TRIM14: variants seen among roughly 807,000 people sequenced by gnomAD.
TRIM14 encodes the protein tripartite motif-containing protein 14.
TRIM14 carries 28 observed loss-of-function variants against 44.5 expected under a neutral mutation model. That is an observed-to-expected ratio of 0.63 (90% CI 0.47 to 0.86). The LOEUF (loss-of-function observed/expected upper bound fraction) is 0.86, where lower values mean the gene tolerates loss of function less well. Among genes scored for constraint, TRIM14 ranks in the 40% least tolerant of loss-of-function variants. The pLI, the probability that TRIM14 is intolerant of heterozygous loss-of-function variation, is 0.00. For missense variants in TRIM14, 607 were observed against 611.1 expected, an observed-to-expected ratio of 0.99 and a Z score of 0.07; for synonymous variants, 299 against 269.2, an observed-to-expected ratio of 1.11 and a Z score of -1.08.
chr9:98,111,649 T>C (rs12344833), intron 1 of TRIM14, among the ~76,000 whole-genome samples: 16,869 of 152,158 alleles, frequency 0.11, 2,802 homozygotes, highest in African/African-American at 0.37. Context: ...GTTTTAAAAG[T>C]TGTTTTCAGG....
chr9:98,072,506 G>T (rs1178559645), intron 6 of TRIM14, among the ~76,000 whole-genome samples: 1 of 151,972 alleles, frequency 6.6e-6, no homozygotes, highest in Non-Finnish European at 1.5e-5. Context: ...CCACCTCACG[G>T]GTTCAAGCAG....
chr9:98,056,627 C>A, the TRIM14 span: 3 of 935,936 alleles, frequency 3.2e-6, no homozygotes, highest in South Asian at 1.9e-5. Flanking sequence ...CCCCGCCCCC[C>A]GCCCCGATTG....
chr9:98,087,554 A>T lies in TRIM14; in HGVS notation c.1245T>A (p.His415Gln). Residue 415 changes from histidine (H) to glutamine (Q), a missense_variant, in exon 6 of 6, where the codon CAT (histidine) becomes CAA (glutamine). Transcript: ENST00000341469. ...YDVTGGMSHL[H>Q]TFRATFQEPL... ...GCTCCTGGAACGTGGCGCGGAAGGTATGCAGGTGGCTCATGCCGCCCGTCA... is the reference window on the plus strand; with the variant it reads ...GCTCCTGGAACGTGGCGCGGAAGGTTTGCAGGTGGCTCATGCCGCCCGTCA... 3 of 1,596,908 alleles carry T rather than the reference A, an allele frequency of 1.9e-6. No individual in the cohort carries two copies. The highest frequency in any genetic ancestry group is 1.7e-6 in the Non-Finnish European group (2 of 1,173,828).
chr9:98,104,368 G>A (rs960444777), intron 2 of TRIM14, among the ~76,000 whole-genome samples: 2 of 152,122 alleles, frequency 1.3e-5, no homozygotes, highest in African/African-American at 2.4e-5. Flanking sequence ...AGTTTTTATA[G>A]ATCCACTTTG....
At chr9:98,062,079 A>G in the TRIM14 span, among the ~76,000 whole-genome samples, 1 of 150,788 alleles carries the variant, frequency 6.6e-6, no homozygotes, top group African/African-American at 2.4e-5. Context: ...AAAATTAGCC[A>G]GGCGTGGTGG....
chr9:98,086,816 A>AT lies in TRIM14; in HGVS notation c.*653dup, dbSNP rs144118904. 5,138 of 153,068 alleles carry AT rather than the reference A, an allele frequency of 0.034. 133 individuals carry two copies. The highest frequency in any genetic ancestry group is 0.056 in the African/African-American group (2,304 of 41,268). 9.5% of individuals were successfully genotyped at this position (153,068 alleles called of 1,614,324 possible). A position where few individuals can be genotyped will look rare whatever the true frequency, so the allele number is the denominator to read the frequency against. On this transcript the variant is annotated 3_prime_UTR_variant, in exon 6 of 6. Coordinates refer to ENST00000341469, the MANE Select transcript of TRIM14 (RefSeq NM_014788.4). ...TTGAATGCTAAGGTGAGGCGCTTGT[A>AT]TTTTTTTTTGTTATTTCATGGAAAC... is the stretch of plus-strand genomic sequence containing the variant.
chr9:98,051,600 T>C, the TRIM14 span, among the ~76,000 whole-genome samples: 1 of 152,244 alleles, frequency 6.6e-6, no homozygotes, highest in African/African-American at 2.4e-5. Flanking sequence ...ACTTAACAAA[T>C]GATGCCCTTC....
the TRIM14 span, among the ~76,000 whole-genome samples, chr9:98,039,050 A>C: frequency 6.6e-6 from 1 of 152,044 alleles, no homozygotes; most frequent in East Asian, 1.9e-4. Context: ...CTACGTCTAA[A>C]AAAAAAAACC....
rs747619707 is a variant in TRIM14, at chr9:98,087,485, G to C, written c.1314C>G (p.Ile438Met). ...ALRLWEGAISIPRLP is the reference protein window; with the variant it reads ...ALRLWEGAISMPRLP ...GTCCTGGCCCCTAGGGCAGCCGGGG[G>C]ATGCTGATGGCCCCCTCCCAGAGCC... Residue 438 changes from isoleucine to methionine, a missense_variant, in exon 6 of 6, where the codon ATC becomes ATG. Around this residue, in one of 3 missense-constraint regions of TRIM14, gnomAD observed 356 missense variants for 323.0 expected, o/e 1.10. Coordinates refer to ENST00000341469, the MANE Select transcript of TRIM14 (RefSeq NM_014788.4). The C allele has an allele frequency of 2.5e-6, 4 of 1,602,830 alleles. No individual in the cohort carries two copies. In the South Asian group the frequency reaches 3.3e-5, roughly 13 times the overall value.
the TRIM14 span, among the ~76,000 whole-genome samples, chr9:98,043,182 A>AT: frequency 0.38 from 54,173 of 144,240 alleles, 10,929 homozygotes; most frequent in African/African-American, 0.55. Context: ...CTAAATTTGC[A>AT]TTTTTTTTTT....
downstream of TRIM14, among the ~76,000 whole-genome samples, chr9:98,066,626 C>G (rs1829155340): frequency 1.3e-5 from 2 of 151,376 alleles, no homozygotes; most frequent in African/African-American, 4.9e-5. Context: ...TGCCCCAATT[C>G]TCCCAGGCCT....
the TRIM14 span, among the ~76,000 whole-genome samples, chr9:98,049,892 C>G: frequency 6.6e-6 from 1 of 152,214 alleles, no homozygotes; most frequent in Non-Finnish European, 1.5e-5. Flanking sequence ...AGAAAAACTT[C>G]AGCTGAATTA....
intron 6 of TRIM14, among the ~76,000 whole-genome samples, chr9:98,077,683 A>G (rs2117957213): frequency 6.6e-6 from 1 of 152,280 alleles, no homozygotes; most frequent in South Asian, 2.1e-4. Context: ...TGGTTTTACA[A>G]CATGAACAAT....
At chr9:98,106,607 G>C (rs544523469) in intron 2 of TRIM14, among the ~76,000 whole-genome samples, 48 of 152,242 alleles carry the variant, frequency 3.2e-4, no homozygotes, top group African/African-American at 1.2e-3. Flanking sequence ...CCTTATGAAG[G>C]CCACTTAGGT....
At chr9:98,101,697 G>T (rs188129926) in intron 2 of TRIM14, among the ~76,000 whole-genome samples, 2 of 152,258 alleles carry the variant, frequency 1.3e-5, no homozygotes, top group East Asian at 3.9e-4. Flanking sequence ...CTGGATTACA[G>T]GCATGAGCCA....
chr9:98,060,655 AG>A, the TRIM14 span: 1 of 928,664 alleles, frequency 1.1e-6, no homozygotes, highest in Non-Finnish European at 1.7e-6. Context: ...TGGGTGAAAG[AG>A]CGAAACTCTG....
downstream of TRIM14, chr9:98,080,819 T>C (rs745594354): frequency 1.9e-6 from 3 of 1,572,184 alleles, no homozygotes; most frequent in East Asian, 4.5e-5. Context: ...TTTAAAGGAA[T>C]ATCAGAAGCT....
chr9:98,081,021 A>C, downstream of TRIM14: 1 of 1,614,150 alleles, frequency 6.2e-7, no homozygotes, highest in Non-Finnish European at 8.5e-7. Flanking sequence ...CGTCTTGTGG[A>C]GCGTGCCCTG....
chr9:98,091,846 C>T (rs1282162329), intron 5 of TRIM14, 63 bp downstream of exon 5: 3 of 1,168,346 alleles, frequency 2.6e-6, no homozygotes, highest in Non-Finnish European at 3.5e-6. Flanking sequence ...CCATGATCCT[C>T]CTCCACCCAA....
Sources: gnomAD v4.1 joint callset for allele counts (sites outside exome capture counted in the v4.1 genomes callset) on GRCh38, gnomAD v4.1.1 for gene constraint, gnomAD v4.1.1 regional missense constraint, MANE v1.5 for transcripts, NCBI Gene and HGNC (gene_info 2026-07-23, HGNC 2026-07-21) for gene names.